ATAD1: variants seen among roughly 807,000 people sequenced by gnomAD.
The protein encoded by ATAD1 is outer mitochondrial transmembrane helix translocase.
ATAD1 carries 18 observed loss-of-function variants against 42.7 expected under a neutral mutation model. The observed-to-expected ratio is 0.42, with a 90% CI of 0.29 to 0.63. ATAD1 has a LOEUF of 0.63. Ranked by LOEUF, ATAD1 falls within the 20% of genes least tolerant of loss-of-function variation. The probability of loss-of-function intolerance (pLI) is 0.19; values close to 1 mark genes in which losing one functional copy is unlikely to be tolerated. For missense variants in ATAD1, 294 were observed against 440.4 expected (o/e 0.67, Z 2.98); for synonymous variants, 132 against 143.1 (o/e 0.92, Z 0.55).
intron 1 of ATAD1, among the ~76,000 whole-genome samples, chr10:87,835,806 T>G (rs1426869107): frequency 6.6e-6 from 1 of 152,188 alleles, no homozygotes; most frequent in African/African-American, 2.4e-5. Flanking sequence ...AGTTTTTGAC[T>G]ATGTGTCCTT....
intron 7 of ATAD1, among the ~76,000 whole-genome samples, chr10:87,770,290 A>G (rs1381513523): frequency 6.6e-6 from 1 of 152,214 alleles, no homozygotes; most frequent in Non-Finnish European, 1.5e-5. Context: ...TCTACTAGTA[A>G]AACCTGTTTT....
intron 8 of ATAD1, among the ~76,000 whole-genome samples, chr10:87,764,753 C>A (rs1444926561): frequency 1.3e-5 from 2 of 152,102 alleles, no homozygotes; most frequent in African/African-American, 4.8e-5. Flanking sequence ...CCTCTGCAAT[C>A]GGCAAAACCC....
At chr10:87,801,679 TGGCTACCCTA>T (rs1856702522) in intron 2 of ATAD1, among the ~76,000 whole-genome samples, 1 of 152,266 alleles carries the variant, frequency 6.6e-6, no homozygotes, top group African/African-American at 2.4e-5. Flanking sequence ...TCTTTGACTA[TGGCTACCCTA>T]AAACTTTTGT....
chr10:87,752,440 C>G lies in ATAD1; in HGVS notation c.*2247G>C, dbSNP rs1404201444. 1.3e-5 allele frequency: 2 copies of G among 152,138 alleles called. No homozygotes were observed. Among genetic ancestry groups the G allele is most frequent in the Non-Finnish European group, 2.9e-5 (2 of 68,022 alleles). The allele number at this position is 152,138 out of a possible 1,614,324, so 9.4% of individuals were successfully genotyped here. A position where few individuals can be genotyped will look rare whatever the true frequency, so the allele number is the denominator to read the frequency against. ...TAACATTTGAGCAGTAATTCTGTGCCAGGCACTATGCTGAGGGCCTTACAT... is the reference window on the plus strand; with the variant it reads ...TAACATTTGAGCAGTAATTCTGTGCGAGGCACTATGCTGAGGGCCTTACAT... On this transcript the variant is annotated 3_prime_UTR_variant, in exon 10 of 10. Coordinates refer to ENST00000680024, the MANE Select transcript of ATAD1 (RefSeq NM_001321967.2).
chr10:87,796,789 T>C (rs977529679), intron 2 of ATAD1, among the ~76,000 whole-genome samples: 4 of 152,216 alleles, frequency 2.6e-5, no homozygotes, highest in Admixed American at 1.3e-4. Context: ...GCTAACTTTA[T>C]GGCTCAAACC....
In ATAD1 at chr10:87,839,162, G is replaced by A. The variant is rs559095117; in HGVS notation, c.-14+2025C>T. On this transcript the variant is annotated intron_variant, in intron 1 of 4. Transcript: ENST00000495903. The stretch of plus-strand genomic sequence containing the variant: ...AGATCCAATAATTTTGTGCCATGTA[G>A]TTGTAACACTTCAAATATATATATT... 7.2e-5 allele frequency among the ~76,000 whole-genome samples: 11 copies of A among 152,268 alleles called. No individual in the cohort carries two copies. In the East Asian group the frequency reaches 2.1e-3, roughly 29 times the overall value.
At chr10:87,779,840 T>G (rs1286311461) in intron 5 of ATAD1, among the ~76,000 whole-genome samples, 2 of 152,178 alleles carry the variant, frequency 1.3e-5, no homozygotes, top group Non-Finnish European at 1.5e-5. Context: ...CTAGAGAAGA[T>G]GTATACCAAT....
intron 6 of ATAD1, among the ~76,000 whole-genome samples, chr10:87,772,107 A>T (rs1442699055): frequency 6.6e-6 from 1 of 152,198 alleles, no homozygotes; most frequent in Non-Finnish European, 1.5e-5. Flanking sequence ...AAATTTGAAA[A>T]ATGTTAGTTC....
intron 6 of ATAD1, among the ~76,000 whole-genome samples, chr10:87,775,843 G>C (rs1435166001): frequency 6.6e-6 from 1 of 152,206 alleles, no homozygotes. Flanking sequence ...TAGGTGACAG[G>C]AAGTGAGAAA....
chr10:87,821,919 G>C (rs941303922), upstream of ATAD1, among the ~76,000 whole-genome samples: 1 of 152,160 alleles, frequency 6.6e-6, no homozygotes. Flanking sequence ...AATGAAGACT[G>C]TAGATGTATT....
intron 8 of ATAD1, 72 bp downstream of exon 8, chr10:87,767,601 C>T (rs1344321240): frequency 1.5e-6 from 2 of 1,376,010 alleles, no homozygotes; most frequent in Admixed American, 3.6e-5. Flanking sequence ...ATTCCTTCCT[C>T]ATTTTTCTCT....
chr10:87,811,056 G>A (rs1857153464), intron 2 of ATAD1, among the ~76,000 whole-genome samples: 1 of 152,106 alleles, frequency 6.6e-6, no homozygotes, highest in African/African-American at 2.4e-5. Context: ...TTTTAGGCCA[G>A]ACACAGTGGC....
At chr10:87,770,903 TA>T in intron 7 of ATAD1, 48 bp downstream of exon 7, 2 of 1,524,590 alleles carry the variant, frequency 1.3e-6, no homozygotes, top group South Asian at 1.1e-5. Flanking sequence ...TGAAGACCTA[TA>T]AAAAGGTGAG....
chr10:87,813,123 T>C (rs925218877), intron 2 of ATAD1, among the ~76,000 whole-genome samples: 2 of 152,214 alleles, frequency 1.3e-5, no homozygotes, highest in South Asian at 4.1e-4. Flanking sequence ...ACTTAGCATC[T>C]ATATTTAGCT....
intron 3 of ATAD1, 149 bp downstream of exon 3, chr10:87,792,508 C>T (rs1277355555): frequency 3.3e-6 from 2 of 604,958 alleles, no homozygotes; most frequent in Non-Finnish European, 5.8e-6. Flanking sequence ...TGTAATAAAT[C>T]ATATACAGGA....
chr10:87,807,486 CA>C (rs756082126), intron 2 of ATAD1, among the ~76,000 whole-genome samples: 7 of 152,202 alleles, frequency 4.6e-5, no homozygotes, highest in Non-Finnish European at 8.8e-5. Context: ...TACAACCTGG[CA>C]GGGGTGAAAA....
upstream of ATAD1, among the ~76,000 whole-genome samples, chr10:87,822,560 A>G (rs962395414): frequency 6.6e-6 from 1 of 152,224 alleles, no homozygotes; most frequent in Admixed American, 6.5e-5. Flanking sequence ...GTTCTCACTC[A>G]TTTGTGGGAG....
Position 87,754,642 on chromosome 10 carries a change from G to A in ATAD1, c.*45C>T, listed in dbSNP as rs746436768. On this transcript the variant is annotated 3_prime_UTR_variant, in exon 10 of 10. Coordinates refer to ENST00000680024, the MANE Select transcript of ATAD1 (RefSeq NM_001321967.2). ...TTCTATTTCCACTAACTGATAAGAG[G>A]ACACACCAAACTAGATCACTGAACT... 1.3e-6 allele frequency: 2 copies of A among 1,576,644 alleles called. No homozygotes were observed. Among genetic ancestry groups the A allele is most frequent in the South Asian group, 1.2e-5 (1 of 86,872 alleles).
At chr10:87,767,625 G>T in intron 8 of ATAD1, 48 bp downstream of exon 8, 1 of 1,486,516 alleles carries the variant, frequency 6.7e-7, no homozygotes, top group South Asian at 1.2e-5. Context: ...ATAACTTTAT[G>T]AACATCAGAT....
Sources: gnomAD v4.1 joint callset for allele counts (sites outside exome capture counted in the v4.1 genomes callset) on GRCh38, gnomAD v4.1.1 for gene constraint, MANE v1.5 for transcripts, NCBI Gene and HGNC (gene_info 2026-07-23, HGNC 2026-07-21) for gene names.